SYNE1: variants seen among roughly 807,000 people sequenced by gnomAD.
The protein encoded by SYNE1 is nesprin-1.
Under a neutral mutation model 1,111.0 loss-of-function variants are expected in SYNE1, and 616 were observed. The observed-to-expected ratio is 0.55, with a 90% CI of 0.52 to 0.59. The LOEUF (loss-of-function observed/expected upper bound fraction) is 0.59, where lower values mean the gene tolerates loss of function less well. Ranked by LOEUF, SYNE1 falls within the 20% of genes least tolerant of loss-of-function variation. The pLI is 0.00. For synonymous variants in SYNE1, 3,855 were observed against 3,825.8 expected, an observed-to-expected ratio of 1.01 and a Z score of -0.28; for missense variants, 10,006 against 10,417.0, an observed-to-expected ratio of 0.96 and a Z score of 1.72.
In SYNE1 at chr6:152,325,119, C is replaced by T. The variant is rs575900453; in HGVS notation, c.15622G>A (p.Asp5208Asn). The T allele has an allele frequency of 6.2e-7, 1 of 1,614,126 alleles. No homozygotes were observed. The highest frequency in any genetic ancestry group is 8.5e-7 in the Non-Finnish European group (1 of 1,180,060). Reference sequence around the variant, plus strand: ...AAGCCCGTCCACTCATCCACTGCATCTTCCAGGATCTTCTCCTGGTCCTGG... The same window carrying T: ...AAGCCCGTCCACTCATCCACTGCATTTTCCAGGATCTTCTCCTGGTCCTGG... Reference protein sequence around the residue: ...VAQDQEKILEDAVDEWTGFNN... With the variant: ...VAQDQEKILENAVDEWTGFNN... Residue 5208 changes from aspartate to asparagine, a missense_variant, in exon 81 of 146, where the codon GAT becomes AAT. Around this residue, in one of 7 missense-constraint regions of SYNE1, gnomAD observed 4,955 missense variants for 5,017.2 expected, o/e 0.99. Transcript: ENST00000367255.
Position 152,416,667 on chromosome 6 carries a change from C to A in SYNE1, c.5770G>T (p.Val1924Phe). ...QNAKALESAA[V>F]SLDGILSKAQ... is the part of the protein sequence containing the mutation. The stretch of plus-strand genomic sequence containing the variant: ...TTGGAAAGAATGCCATCCAGACTGA[C>A]GGCAGCAGATTCTAATGCTTTAGCA... The change falls in exon 41 of 146, where the codon GTC (valine) becomes TTC (phenylalanine). Residue 1924 changes from valine (V) to phenylalanine (F), a missense_variant. Coordinates refer to ENST00000367255, the MANE Select transcript of SYNE1 (RefSeq NM_182961.4). 6.2e-7 allele frequency: 1 copy of A among 1,614,194 alleles called. No individual in the cohort carries two copies. Among genetic ancestry groups the A allele is most frequent in the Non-Finnish European group, 8.5e-7 (1 of 1,180,040 alleles).
At chr6:152,442,930 A>G (rs1417691099) in intron 30 of SYNE1, among the ~76,000 whole-genome samples, 1 of 152,218 alleles carries the variant, frequency 6.6e-6, no homozygotes, top group Non-Finnish European at 1.5e-5. Flanking sequence ...TGTGTGGCAG[A>G]GTGAGACACT....
At chr6:152,526,500 C>T (rs1202797820) in intron 4 of SYNE1, among the ~76,000 whole-genome samples, 2 of 152,124 alleles carry the variant, frequency 1.3e-5, no homozygotes, top group African/African-American at 2.4e-5. Context: ...AGGATACTAT[C>T]AACCTAAAAG....
At chr6:152,168,021 C>T (rs767895787) in intron 130 of SYNE1, 1 of 779,894 alleles carries the variant, frequency 1.3e-6, no homozygotes, top group African/African-American at 1.7e-5. Context: ...TTGGCAAAAA[C>T]AGTTCTGGAT....
At chr6:152,487,607 A>C (rs9322374) in intron 12 of SYNE1, among the ~76,000 whole-genome samples, 30,873 of 152,168 alleles carry the variant, frequency 0.2, 3,408 homozygotes, top group East Asian at 0.46. Flanking sequence ...TCTGAGCTCA[A>C]CTTGAATGCA....
At chr6:152,352,386 T>C in intron 69 of SYNE1, 33 bp from the exon 70 acceptor site, 2 of 1,593,368 alleles carry the variant, frequency 1.3e-6, no homozygotes, top group Middle Eastern at 3.4e-4. Flanking sequence ...GCAAAGGTAG[T>C]CTTGTTTCTT....
At chr6:152,594,453 A>C (rs1050234900) in intron 3 of SYNE1, among the ~76,000 whole-genome samples, 1 of 152,210 alleles carries the variant, frequency 6.6e-6, no homozygotes, top group Non-Finnish European at 1.5e-5. Context: ...AAAGATGGAC[A>C]GGGAAGTGGT....
intron 96 of SYNE1, among the ~76,000 whole-genome samples, chr6:152,282,414 A>T (rs2094089723): frequency 6.6e-6 from 1 of 152,234 alleles, no homozygotes; most frequent in Non-Finnish European, 1.5e-5. Context: ...CTAAAACAGC[A>T]GCCACATACA....
intron 93 of SYNE1, among the ~76,000 whole-genome samples, chr6:152,297,781 CTGTGTGTGTGTGTGTGTG>C (rs377152081): frequency 2.5e-5 from 3 of 119,784 alleles, no homozygotes; most frequent in Non-Finnish European, 3.4e-5. Context: ...CAGTCTCACT[CTGTGTGTGTGTGTGTGTG>C]TGTGTGTGTG....
At chr6:152,477,340 C>T (rs950722667) in intron 14 of SYNE1, among the ~76,000 whole-genome samples, 9 of 151,968 alleles carry the variant, frequency 5.9e-5, no homozygotes, top group Non-Finnish European at 1.2e-4. Context: ...GTTGTAATTT[C>T]AAAAGAGGTG....
chr6:152,385,369 A>G (rs2097509184), intron 55 of SYNE1, among the ~76,000 whole-genome samples: 2 of 152,198 alleles, frequency 1.3e-5, no homozygotes, highest in African/African-American at 4.8e-5. Flanking sequence ...CTTTTCTTCT[A>G]TGGTGCTAAA....
At chr6:152,475,076 GAACT>G (rs1193482751) in intron 14 of SYNE1, among the ~76,000 whole-genome samples, 3 of 152,080 alleles carry the variant, frequency 2.0e-5, no homozygotes, top group African/African-American at 7.2e-5. Flanking sequence ...AAACAAAACA[GAACT>G]ATCTTCTTTT....
chr6:152,324,831 G>T (rs1253713399), intron 81 of SYNE1, among the ~76,000 whole-genome samples: 1 of 152,174 alleles, frequency 6.6e-6, no homozygotes, highest in African/African-American at 2.4e-5. Flanking sequence ...GGGGCAAAAT[G>T]GGCTTGTTCT....
chr6:152,398,720 C>T lies in SYNE1; in HGVS notation c.7249G>A (p.Glu2417Lys), dbSNP rs267600864. Residue 2417 changes from glutamate to lysine, a missense_variant, in exon 49 of 146, where the codon GAA becomes AAA. By Grantham distance (56) the Glu-to-Lys change is moderately conservative. Around this residue, in one of 7 missense-constraint regions of SYNE1, gnomAD observed 4,955 missense variants for 5,017.2 expected, o/e 0.99. Transcript: ENST00000367255. The stretch of plus-strand genomic sequence containing the variant: ...GCTCCCAAAAACCATTCTTGGAATT[C>T]CTGCATAGACTCTTTTGAAAGAAAA... ...LEKHFSESMQ[E>K]FQEWFLGAKA... The T allele has an allele frequency of 1.9e-6, 3 of 1,612,680 alleles. No homozygotes were observed. The highest frequency in any genetic ancestry group is 2.7e-5 in the African/African-American group (2 of 74,856).
intron 59 of SYNE1, among the ~76,000 whole-genome samples, chr6:152,372,475 G>A (rs900694737): frequency 6.6e-6 from 1 of 151,940 alleles, no homozygotes; most frequent in Non-Finnish European, 1.5e-5. Flanking sequence ...AAGAAGAGTC[G>A]ATACATAAAA....
intron 109 of SYNE1, among the ~76,000 whole-genome samples, chr6:152,236,534 A>G (rs570696472): frequency 6.6e-6 from 1 of 152,160 alleles, no homozygotes; most frequent in South Asian, 2.1e-4. Context: ...TGGATTTAAA[A>G]CTGTCAAATT....
In SYNE1 at chr6:152,369,014, C is replaced by T. The variant is rs759631028; in HGVS notation, c.9765G>A (p.Ser3255=). The change falls in exon 61 of 146, where the codon TCG becomes TCA. Residue 3255 remains serine (S), a synonymous_variant. Transcript: ENST00000367255. ...AASKSFRHRV[S]QLSSQYLALS... ...GCGCTAGATACTGAGAAGACAGCTG[C>T]GACACTCTGTGCCTAAAGCTCTTGC... 20 of 1,614,176 alleles carry T rather than the reference C, an allele frequency of 1.2e-5. No individual in the cohort carries two copies. The East Asian group carries it at 2.0e-4, about 16-fold the overall frequency.
chr6:152,325,283 T>G lies in SYNE1; in HGVS notation c.15458A>C (p.Asn5153Thr), dbSNP rs1415929367. 1.2e-6 allele frequency: 2 copies of G among 1,614,140 alleles called. No individual in the cohort carries two copies. Among genetic ancestry groups the G allele is most frequent in the Admixed American group, 1.7e-5 (1 of 60,028 alleles). Reference protein sequence around the residue: ...SEHKALVSVVNSFHEKIVALE... With the variant: ...SEHKALVSVVTSFHEKIVALE... ...GGCCACAATTTTCTCATGGAAAGAGTTAACCACTGACACTAAAGCCTAGGG... is the reference window on the plus strand; with the variant it reads ...GGCCACAATTTTCTCATGGAAAGAGGTAACCACTGACACTAAAGCCTAGGG... The change falls in exon 81 of 146, where the codon AAC (asparagine) becomes ACC (threonine). Residue 5153 changes from asparagine (N) to threonine (T), a missense_variant. Transcript: ENST00000367255.
chr6:152,498,657 A>G (rs2099012295), intron 11 of SYNE1, 85 bp downstream of exon 11: 1 of 947,970 alleles, frequency 1.1e-6, no homozygotes, highest in Non-Finnish European at 1.6e-6. Context: ...ACATAAAGAC[A>G]AAAACATGCA....
Sources: allele counts gnomAD v4.1 joint callset (sites outside exome capture counted in the v4.1 genomes callset), GRCh38; gene constraint gnomAD v4.1.1; regional missense constraint gnomAD v4.1.1; transcripts MANE v1.5; gene names NCBI Gene and HGNC (gene_info 2026-07-23, HGNC 2026-07-21).